Variants in VWF observed in about 807,000 individuals in gnomAD.
The protein encoded by VWF is Factor VIII related antigen.
Under a neutral mutation model 308.6 loss-of-function variants are expected in VWF, and 176 were observed. That is an observed-to-expected ratio of 0.57 (90% CI 0.50 to 0.65). The LOEUF (loss-of-function observed/expected upper bound fraction) is 0.65. Among genes scored for constraint, VWF ranks in the 30% least tolerant of loss-of-function variants. The pLI is 0.00. For synonymous variants in VWF, 1,385 were observed against 1,443.4 expected (o/e 0.96, Z 0.92); for missense variants, 3,146 against 3,648.2 (o/e 0.86, Z 3.55).
intron 40 of VWF, among the ~76,000 whole-genome samples, chr12:5,983,642 G>A (rs1428652914): frequency 6.6e-6 from 1 of 151,844 alleles, no homozygotes; most frequent in Non-Finnish European, 1.5e-5. Context: ...TAGAATAGAT[G>A]ATAGATACAT....
At chr12:5,990,206 T>C (rs1470608850) in intron 38 of VWF, among the ~76,000 whole-genome samples, 2 of 152,210 alleles carry the variant, frequency 1.3e-5, no homozygotes, top group Non-Finnish European at 2.9e-5. Flanking sequence ...CATGCTCCAA[T>C]GAACATGAGT....
chr12:6,066,018 C>T (rs1267260883), intron 10 of VWF, among the ~76,000 whole-genome samples: 1 of 152,240 alleles, frequency 6.6e-6, no homozygotes, highest in Non-Finnish European at 1.5e-5. Context: ...GTGCTGACCT[C>T]GGCAGCGCCA....
At chr12:6,123,461 G>A (rs999184488) in intron 1 of VWF, among the ~76,000 whole-genome samples, 13 of 152,154 alleles carry the variant, frequency 8.5e-5, no homozygotes, top group Non-Finnish European at 1.6e-4. Flanking sequence ...GCCCAAGACA[G>A]GAGGAAAACG....
rs745594242 is a variant in VWF, at chr12:6,021,887, G to A, written c.3674+13C>T. ...AGATTCATCACTTCAAACAACCCAG[G>A]AATCTGTTTTACCAAATCTGGCAGT... On this transcript the variant is annotated intron_variant, in intron 27 of 51. Transcript: ENST00000261405. The A allele has an allele frequency of 3.1e-6, 5 of 1,614,014 alleles. No individual in the cohort carries two copies. In the African/African-American group the frequency reaches 5.3e-5, roughly 17 times the overall value.
chr12:5,985,266 T>G, intron 39 of VWF, 147 bp from the exon 40 acceptor site: 1 of 846,312 alleles, frequency 1.2e-6, no homozygotes, highest in Non-Finnish European at 2.0e-6. Flanking sequence ...CTCTGACAGA[T>G]GAGTGTCCCC....
chr12:5,950,579 T>C (rs1484537430), intron 50 of VWF, among the ~76,000 whole-genome samples: 4 of 152,034 alleles, frequency 2.6e-5, no homozygotes. Flanking sequence ...AAATCAACCC[T>C]AACTACATAT....
Position 5,981,847 on chromosome 12 carries a change from T to C in VWF, c.7226A>G (p.Tyr2409Cys). 1 of 1,613,576 alleles carries C rather than the reference T, an allele frequency of 6.2e-7. No individual in the cohort carries two copies. Among genetic ancestry groups the C allele is most frequent in the Non-Finnish European group, 8.5e-7 (1 of 1,179,842 alleles). Residue 2409 changes from tyrosine (Y) to cysteine (C), a missense_variant, in exon 42 of 52, where the codon TAC (tyrosine) becomes TGC (cysteine). This residue lies in a region of VWF where 989 missense variants were observed against 1,117.4 expected (regional missense o/e 0.89). Coordinates refer to ENST00000261405, the MANE Select transcript of VWF (RefSeq NM_000552.5). ...GTCATTGGTGGCAGTTGAGGCCAAG[T>C]ACCCAAGGGGACAGCTCACTGTGGA... The part of the protein sequence containing the change: ...VNSTVSCPLG[Y>C]LASTATNDCG...
chr12:6,065,210 C>T lies in VWF; in HGVS notation c.1220G>A (p.Ser407Asn). 1.2e-6 allele frequency: 2 copies of T among 1,614,174 alleles called. No homozygotes were observed. Among genetic ancestry groups the T allele is most frequent in the Admixed American group, 1.7e-5 (1 of 60,028 alleles). Residue 407 changes from serine (S) to asparagine (N), a missense_variant, in exon 11 of 52, where the codon AGT becomes AAT. Transcript: ENST00000261405. ...GGCCAGCAGGTACTGGCAGATCCCACTGAAGGTGAAGTATCTGTTGTCAAA... is the reference window on the plus strand; with the variant it reads ...GGCCAGCAGGTACTGGCAGATCCCATTGAAGGTGAAGTATCTGTTGTCAAA... ...KSFDNRYFTF[S>N]GICQYLLARD...
chr12:6,117,539 G>A (rs1385227857), intron 3 of VWF, among the ~76,000 whole-genome samples: 1 of 152,212 alleles, frequency 6.6e-6, no homozygotes, highest in Non-Finnish European at 1.5e-5. Context: ...TGTCTCCCTT[G>A]ATGCTCACAG....
intron 21 of VWF, 105 bp downstream of exon 21, chr12:6,031,339 C>T (rs183090575): frequency 1.9e-4 from 308 of 1,589,606 alleles, no homozygotes; most frequent in African/African-American, 8.2e-4. Context: ...AATGGCTGTG[C>T]GTTATTCCAT....
chr12:6,001,490 C>CA (rs937371827), intron 34 of VWF, among the ~76,000 whole-genome samples: 3 of 151,176 alleles, frequency 2.0e-5, no homozygotes, highest in Non-Finnish European at 3.0e-5. Flanking sequence ...AAATTCTAGC[C>CA]AAAAAAAAGA....
At chr12:6,103,956 A>ATCTTC in intron 5 of VWF, among the ~76,000 whole-genome samples, 1 of 152,250 alleles carries the variant, frequency 6.6e-6, no homozygotes, top group South Asian at 2.1e-4. Flanking sequence ...ACAGCAAAAG[A>ATCTTC]AATCATCAAC....
At chr12:6,017,823 A>G (rs757957746) in intron 28 of VWF, among the ~76,000 whole-genome samples, 9 of 152,232 alleles carry the variant, frequency 5.9e-5, no homozygotes, top group Non-Finnish European at 1.0e-4. Flanking sequence ...CCAGCTAGCA[A>G]GTAGCAGAGA....
intron 45 of VWF, 98 bp downstream of exon 45, chr12:5,969,113 T>A: frequency 7.1e-7 from 1 of 1,407,214 alleles, no homozygotes; most frequent in Non-Finnish European, 9.8e-7. Flanking sequence ...TCCATTTCCC[T>A]AAGTTGCTAA....
At chr12:5,985,504 G>C (rs1232783632) in intron 39 of VWF, 59 bp downstream of exon 39, 2 of 1,546,634 alleles carry the variant, frequency 1.3e-6, no homozygotes, top group East Asian at 2.3e-5. Flanking sequence ...GGGTGGCTGG[G>C]GGGCCTTGCA....
intron 10 of VWF, among the ~76,000 whole-genome samples, chr12:6,070,758 G>A (rs1260421950): frequency 1.3e-5 from 2 of 152,190 alleles, no homozygotes; most frequent in African/African-American, 4.8e-5. Context: ...AAAGCAAATG[G>A]CAGAGATTGC....
chr12:6,096,771 G>A (rs1011382987), intron 5 of VWF, among the ~76,000 whole-genome samples: 18 of 152,304 alleles, frequency 1.2e-4, no homozygotes, highest in Admixed American at 6.5e-4. Context: ...AAGTAATTGC[G>A]TAATCTGTAT....
chr12:6,123,357 C>A (rs1395629890), intron 1 of VWF, among the ~76,000 whole-genome samples, 161 bp from the exon 2 acceptor site: 1 of 152,150 alleles, frequency 6.6e-6, no homozygotes, highest in Non-Finnish European at 1.5e-5. Flanking sequence ...GGACTTCTGG[C>A]CCCCGAAAAA....
intron 47 of VWF, among the ~76,000 whole-genome samples, chr12:5,956,314 G>A (rs951846776): frequency 6.6e-6 from 1 of 152,182 alleles, no homozygotes; most frequent in Admixed American, 6.5e-5. Context: ...CCTCGGGTAG[G>A]TCCTGCAGGA....
Sources: gnomAD v4.1 joint callset for allele counts (sites outside exome capture counted in the v4.1 genomes callset) on GRCh38, gnomAD v4.1.1 for gene constraint, gnomAD v4.1.1 regional missense constraint, MANE v1.5 for transcripts, NCBI Gene and HGNC (gene_info 2026-07-23, HGNC 2026-07-21) for gene names.